The following MIS18BP1 variants were observed in gnomAD, a reference collection of about 807,000 sequenced individuals.
MIS18BP1 encodes the protein MIS18 binding protein 1.
A neutral mutation model predicts 116.1 loss-of-function variants in MIS18BP1; 72 were observed. The observed-to-expected ratio is 0.62, with a 90% CI of 0.51 to 0.75. MIS18BP1 has a LOEUF of 0.75. MIS18BP1 is among the 30% of genes least tolerant of loss of function. The probability of loss-of-function intolerance (pLI) is 0.00; values close to 1 mark genes in which losing one functional copy is unlikely to be tolerated. For missense variants in MIS18BP1, 1,363 were observed against 1,303.2 expected (o/e 1.05, Z -0.71); for synonymous variants, 386 against 427.0 (o/e 0.90, Z 1.18).
chr14:45,237,603 C>T, intron 5 of MIS18BP1, 45 bp downstream of exon 5: 1 of 1,571,690 alleles, frequency 6.4e-7, no homozygotes, highest in Non-Finnish European at 8.6e-7. Context: ...AGTGCTTACA[C>T]ATAACTAAAG....
At position 45,226,815 on chromosome 14, in the gene MIS18BP1, ATTCT is replaced by A. The variant is rs1891135068; in HGVS notation, c.1764_1767del (p.Lys588AsnfsTer9). 5 of 1,398,816 alleles carry A rather than the reference ATTCT, an allele frequency of 3.6e-6. No individual in the cohort carries two copies. The highest frequency in any genetic ancestry group is 4.7e-6 in the Non-Finnish European group (5 of 1,054,062). The allele number at this position is 1,398,816 out of a possible 1,614,324, so 86.7% of individuals were successfully genotyped here. ...TTTAGTTTCTTTGAAGACATTTTAT[ATTCT>A]TTTTTTCCAATTAATTCCTTCAAAA... On this transcript the variant is annotated frameshift_variant, in exon 10 of 17. Transcript: ENST00000310806. LOFTEE classifies it high-confidence loss of function.
Position 45,246,732 on chromosome 14 carries a change from A to G in MIS18BP1, c.544+11T>C. ...GACATTACAGCTTTTTAGCTAACACATAAAACTAACCTCTTAGTGAACTGT... is the reference window on the plus strand; with the variant it reads ...GACATTACAGCTTTTTAGCTAACACGTAAAACTAACCTCTTAGTGAACTGT... On this transcript the variant is annotated intron_variant, in intron 2 of 16. Coordinates refer to ENST00000310806, the MANE Select transcript of MIS18BP1 (RefSeq NM_018353.5). The G allele has an allele frequency of 6.5e-7, 1 of 1,542,618 alleles. No homozygotes were observed. Among genetic ancestry groups the G allele is most frequent in the South Asian group, 1.3e-5 (1 of 76,986 alleles).
At chr14:45,240,111 T>C (rs1891535538) in intron 4 of MIS18BP1, among the ~76,000 whole-genome samples, 1 of 152,016 alleles carries the variant, frequency 6.6e-6, no homozygotes, top group African/African-American at 2.4e-5. Context: ...GGAAACATAT[T>C]GGAGAGCTAT....
At chr14:45,225,177 T>C (rs1438148178) in intron 10 of MIS18BP1, among the ~76,000 whole-genome samples, 1 of 152,164 alleles carries the variant, frequency 6.6e-6, no homozygotes, top group African/African-American at 2.4e-5. Context: ...ATAAACAAAA[T>C]CACTACCTGC....
At chr14:45,239,869 G>A (rs776797970) in intron 4 of MIS18BP1, among the ~76,000 whole-genome samples, 25 of 152,290 alleles carry the variant, frequency 1.6e-4, no homozygotes, top group South Asian at 2.1e-4. Context: ...TGGATGTGGA[G>A]CATGAGAGAG....
chr14:45,234,262 CA>C (rs1243060542), intron 6 of MIS18BP1, among the ~76,000 whole-genome samples: 6 of 148,654 alleles, frequency 4.0e-5, no homozygotes, highest in African/African-American at 1.5e-4. Flanking sequence ...ATTAGATTTA[CA>C]GAAGTAAATG....
intron 8 of MIS18BP1, 139 bp downstream of exon 8, chr14:45,231,002 A>T: frequency 1.3e-6 from 1 of 745,610 alleles, no homozygotes; most frequent in Non-Finnish European, 2.0e-6. Context: ...GTAGTGAAGA[A>T]GCAGGAATGT....
Position 45,215,585 on chromosome 14 carries a change from G to A in MIS18BP1, c.3003+1434C>T, listed in dbSNP as rs149200138. Reference sequence around the variant, plus strand: ...ATGCCACCACACCCATCTAATTTTTGTATTTTTAGTAGAGACAGGGTTTCA... The same window carrying A: ...ATGCCACCACACCCATCTAATTTTTATATTTTTAGTAGAGACAGGGTTTCA... On this transcript the variant is annotated intron_variant, in intron 13 of 16. Transcript: ENST00000310806. Among the ~76,000 whole-genome samples the A allele has an allele frequency of 3.2e-3, 480 of 151,400 alleles. 3 individuals carry two copies. Among genetic ancestry groups the A allele is most frequent in the African/African-American group, 0.011 (465 of 41,270 alleles).
intron 4 of MIS18BP1, among the ~76,000 whole-genome samples, chr14:45,241,296 C>A (rs1349257301): frequency 1.3e-5 from 2 of 152,120 alleles, no homozygotes; most frequent in Non-Finnish European, 2.9e-5. Context: ...ACGGTAAAAC[C>A]CCGTCTCTAC....
chr14:45,251,296 T>C (rs904409571), intron 1 of MIS18BP1, among the ~76,000 whole-genome samples: 2 of 152,142 alleles, frequency 1.3e-5, no homozygotes, highest in South Asian at 2.1e-4. Flanking sequence ...GGTTATAATA[T>C]ATAGCCTGGG....
intron 8 of MIS18BP1, 68 bp downstream of exon 8, chr14:45,231,071 AAC>A: frequency 1.3e-6 from 2 of 1,498,392 alleles, no homozygotes; most frequent in Non-Finnish European, 1.8e-6. Flanking sequence ...ACACATTATA[AAC>A]CATAAACAAT....
intron 13 of MIS18BP1, among the ~76,000 whole-genome samples, chr14:45,210,750 TA>T (rs1438391675): frequency 6.6e-6 from 1 of 152,228 alleles, no homozygotes; most frequent in Admixed American, 6.5e-5. Flanking sequence ...GAAATGCCTC[TA>T]AGATTTCTAC....
intron 1 of MIS18BP1, among the ~76,000 whole-genome samples, chr14:45,247,617 T>G (rs1891757811): frequency 6.6e-6 from 1 of 152,066 alleles, no homozygotes; most frequent in Admixed American, 6.6e-5. Flanking sequence ...GGAGGATCAC[T>G]TGAGCCTGGG....
chr14:45,238,758 G>A (rs555421502), intron 4 of MIS18BP1, among the ~76,000 whole-genome samples: 11 of 152,108 alleles, frequency 7.2e-5, no homozygotes, highest in Non-Finnish European at 1.3e-4. Context: ...TTGGGAGGTC[G>A]AGGCTTCAGT....
chr14:45,220,023 C>G (rs1443020118), intron 11 of MIS18BP1, among the ~76,000 whole-genome samples: 1 of 152,068 alleles, frequency 6.6e-6, no homozygotes, highest in East Asian at 1.9e-4. Flanking sequence ...GTTCCTTGCC[C>G]AACTCTCTAG....
At chr14:45,208,506 G>T (rs1316915831) in intron 14 of MIS18BP1, among the ~76,000 whole-genome samples, 3 of 151,762 alleles carry the variant, frequency 2.0e-5, no homozygotes, top group Non-Finnish European at 2.9e-5. Flanking sequence ...CTAATTTTTT[G>T]TATTTTTAGT....
chr14:45,245,288 T>G (rs539847587), intron 2 of MIS18BP1, among the ~76,000 whole-genome samples: 1 of 152,276 alleles, frequency 6.6e-6, no homozygotes, highest in East Asian at 1.9e-4. Context: ...TTCATTCTCT[T>G]GGCTTTCACA....
rs1490258065 is a variant in MIS18BP1 at position 45,235,745 on chromosome 14, A to G, written c.1348+69T>C. On this transcript the variant is annotated intron_variant, in intron 6 of 16. Transcript: ENST00000310806. Reference sequence around the variant, plus strand: ...CTAATTAAAAGTTAAAAAAATGTGTATTACTGTGAGAAACATGGTTAACTG... The same window carrying G: ...CTAATTAAAAGTTAAAAAAATGTGTGTTACTGTGAGAAACATGGTTAACTG... The G allele has an allele frequency of 4.4e-6, 6 of 1,361,054 alleles. No homozygotes were observed. In the African/African-American group the frequency reaches 5.9e-5, roughly 13 times the overall value. The allele number at this position is 1,361,054 out of a possible 1,614,324, so 84.3% of individuals were successfully genotyped here. A position where few individuals can be genotyped will look rare whatever the true frequency, so the allele number is the denominator to read the frequency against.
intron 14 of MIS18BP1, among the ~76,000 whole-genome samples, chr14:45,207,733 AAG>A (rs1890557442): frequency 6.6e-6 from 1 of 152,228 alleles, no homozygotes; most frequent in Non-Finnish European, 1.5e-5. Flanking sequence ...TTTGAAGACA[AAG>A]AGTTTTTCAC....
Sources: allele counts gnomAD v4.1 joint callset (sites outside exome capture counted in the v4.1 genomes callset), GRCh38; gene constraint gnomAD v4.1.1; transcripts MANE v1.5; gene names NCBI Gene and HGNC (gene_info 2026-07-23, HGNC 2026-07-21).